Variants in IL9R observed in about 807,000 individuals in gnomAD.
IL9R encodes interleukin-9 receptor.
IL9R carries 54 observed loss-of-function variants against 56.3 expected under a neutral mutation model. The observed-to-expected ratio is 0.96, with a 90% CI of 0.77 to 1.20. The LOEUF is 1.20. IL9R is among the 50% of genes most tolerant of loss of function. The probability of loss-of-function intolerance (pLI) is 0.00; values close to 1 mark genes in which losing one functional copy is unlikely to be tolerated. For missense variants in IL9R, 545 were observed against 629.8 expected (o/e 0.87, Z 1.44); for synonymous variants, 212 against 250.2 (o/e 0.85, Z 1.44).
chrX:156,002,937 A>T lies in IL9R; in HGVS notation c.60A>T (p.Arg20=), dbSNP rs753094605. 3 of 1,613,876 alleles carry T rather than the reference A, an allele frequency of 1.9e-6. No individual in the cohort carries two copies. The highest frequency in any genetic ancestry group is 1.7e-6 in the Non-Finnish European group (2 of 1,179,842). The change falls in exon 2 of 9, where the codon CGA becomes CGT. Residue 20 remains arginine, a synonymous_variant. Coordinates refer to ENST00000244174, the MANE Select transcript of IL9R (RefSeq NM_002186.3). ...GWTLESEALR[R]DMGTWLLACI... ...CCTTGGAGAGTGAGGCCCTGAGGCG[A>T]GACATGGGCACCTGGCTCCTGGCCT...
At chrX:156,006,532 G>T (rs2067972299) in intron 7 of IL9R, among the ~76,000 whole-genome samples, 2 of 151,120 alleles carry the variant, frequency 1.3e-5, no homozygotes, top group Admixed American at 6.6e-5. Flanking sequence ...CCTGCCTCTG[G>T]AGGAGCTTGG....
In IL9R at chrX:156,002,866, G is replaced by T. The variant is rs374330761; in HGVS notation, c.29-40G>T. 5 of 1,612,960 alleles carry T rather than the reference G, an allele frequency of 3.1e-6. No individual in the cohort carries two copies. In the Admixed American group the frequency reaches 8.3e-5, roughly 27 times the overall value. On this transcript the variant is annotated intron_variant, in intron 1 of 8. Transcript: ENST00000244174. The stretch of plus-strand genomic sequence containing the variant: ...TTCATGGGGAGCACCCCTCCAGAGA[G>T]GGATGATTTGCACAGGGCCCTCAGC...
rs190111819 is a variant in IL9R, at chrX:156,003,511, T to A, written c.205T>A (p.Ser69Thr). The A allele has an allele frequency of 8.2e-5, 132 of 1,612,726 alleles. 1 individual carries two copies. Among genetic ancestry groups the A allele is most frequent in the Non-Finnish European group, 1.1e-4 (125 of 1,179,822 alleles). ...CATTCTCAGGATCGATTGCCACTGG[T>A]CTGCCCCAGAGCTGGGACAGGGCTC... is the stretch of plus-strand genomic sequence containing the variant. ...NNILRIDCHW[S>T]APELGQGSSP... Residue 69 changes from serine to threonine, a missense_variant, in exon 3 of 9, where the codon TCT (serine) becomes ACT (threonine). Transcript: ENST00000244174.
intron 5 of IL9R, 115 bp from the exon 6 acceptor site, chrX:156,005,163 A>T: frequency 1.3e-6 from 1 of 789,384 alleles, no homozygotes; most frequent in Non-Finnish European, 2.2e-6. Context: ...TCTGTGTGTT[A>T]ACACAAGTGT....
At chrX:156,002,780 A>T in intron 1 of IL9R, 126 bp from the exon 2 acceptor site, 1 of 1,314,574 alleles carries the variant, frequency 7.6e-7, no homozygotes, top group Non-Finnish European at 1.1e-6. Context: ...TGTGAGTGTT[A>T]GGACACAGGA....
chrX:156,009,248 G>GTGTGTGTGTGTGTGTA (rs1569479052), intron 8 of IL9R, among the ~76,000 whole-genome samples: 150 of 94,792 alleles, frequency 1.6e-3, no homozygotes, highest in Admixed American at 3.5e-3. Flanking sequence ...TGTGGTGTGT[G>GTGTGTGTGTGTGTGTA]TGTCTGTGTG....
intron 1 of IL9R, among the ~76,000 whole-genome samples, chrX:156,000,543 G>A: frequency 6.6e-6 from 1 of 152,334 alleles, no homozygotes; most frequent in East Asian, 1.9e-4. Flanking sequence ...AGGCTCCCCA[G>A]CGGGACTGGG....
chrX:156,005,044 A>G (rs1396215115), intron 5 of IL9R, among the ~76,000 whole-genome samples: 1 of 151,830 alleles, frequency 6.6e-6, no homozygotes, highest in Non-Finnish European at 1.5e-5. Flanking sequence ...GTTCCTGTAG[A>G]CATGTTTGCC....
chrX:156,000,145 A>AAATATATATATAT (rs780163667), intron 1 of IL9R, among the ~76,000 whole-genome samples: 24 of 144,272 alleles, frequency 1.7e-4, no homozygotes, highest in African/African-American at 6.1e-4. Context: ...AAAAAAAAAA[A>AAATATATATATAT]ATATATATAT....
chrX:156,007,058 A>G (rs3093526), intron 7 of IL9R, among the ~76,000 whole-genome samples: 37,236 of 151,622 alleles, frequency 0.25, 5,852 homozygotes, highest in East Asian at 0.67. Context: ...ACAGCCTTGC[A>G]GGGAGGTTGG....
chrX:156,002,483 A>C (rs2067599739), intron 1 of IL9R, among the ~76,000 whole-genome samples: 2 of 152,272 alleles, frequency 1.3e-5, no homozygotes, highest in African/African-American at 4.8e-5. Flanking sequence ...TAAAGTAGAA[A>C]ATGTACCTAT....
chrX:156,002,741 T>C, intron 1 of IL9R, 165 bp from the exon 2 acceptor site: 1 of 961,590 alleles, frequency 1.0e-6, no homozygotes. Context: ...CAGTAAAGCC[T>C]GGACAGTGGT....
chrX:156,003,333 G>T, intron 2 of IL9R, 116 bp from the exon 3 acceptor site: 1 of 770,912 alleles, frequency 1.3e-6, no homozygotes, highest in Admixed American at 2.0e-5. Flanking sequence ...CAGATTCTGG[G>T]ATCATTTACT....
At position 156,007,263 on chromosome X, in the gene IL9R, C is replaced by T. The variant is rs2068037680; in HGVS notation, c.888-260C>T. On this transcript the variant is annotated intron_variant, in intron 7 of 8. Transcript: ENST00000244174. ...TGATCTGAGGACCCAGCTAGTAACT[C>T]CCCGTTCTGAACCCGCCATCGCAGC... 7.7e-5 allele frequency among the ~76,000 whole-genome samples: 11 copies of T among 142,228 alleles called. No homozygotes were observed. The South Asian group carries it at 2.6e-3, about 34-fold the overall frequency. The allele number at this position is 142,228 out of a possible 152,430, so 93.3% of individuals were successfully genotyped here. A position where few individuals can be genotyped will look rare whatever the true frequency, so the allele number is the denominator to read the frequency against.
At chrX:156,006,035 C>A in intron 6 of IL9R, 48 bp from the exon 7 acceptor site, 1 of 1,011,328 alleles carries the variant, frequency 9.9e-7, no homozygotes, top group Non-Finnish European at 1.5e-6. Flanking sequence ...TGGGGGGAGC[C>A]TCCTGGCACT....
chrX:155,999,344 A>G (rs763156074), intron 1 of IL9R, among the ~76,000 whole-genome samples: 2 of 151,828 alleles, frequency 1.3e-5, no homozygotes, highest in South Asian at 4.2e-4. Context: ...ACAGGCATTT[A>G]CCTCACGGAT....
chrX:155,999,690 G>A (rs1373274771), intron 1 of IL9R, among the ~76,000 whole-genome samples: 1 of 152,100 alleles, frequency 6.6e-6, no homozygotes, highest in Non-Finnish European at 1.5e-5. Context: ...TGCTTCTGGG[G>A]TACCAAGGTC....
rs1291784658 is a variant in IL9R, at chrX:156,010,060, C to A, written c.1217C>A (p.Ala406Asp). 11 of 1,555,180 alleles carry A rather than the reference C, an allele frequency of 7.1e-6. No individual in the cohort carries two copies. The highest frequency in any genetic ancestry group is 8.7e-6 in the Non-Finnish European group (10 of 1,155,072). ...ACGGAGTGGAGGGTACAGACGCTTG[C>A]CTATCTGCCACAGGAGGACTGGGCC... is the stretch of plus-strand genomic sequence containing the variant. ...GCTEWRVQTL[A>D]YLPQEDWAPT... The change falls in exon 9 of 9, where the codon GCC becomes GAC. Residue 406 changes from alanine (A) to aspartate (D), a missense_variant. By Grantham distance (126) the Ala-to-Asp change is moderately radical. Transcript: ENST00000244174.
chrX:156,009,248 G>GTGTTTGTGTGTGTA (rs1569479052), intron 8 of IL9R, among the ~76,000 whole-genome samples: 9 of 95,004 alleles, frequency 9.5e-5, no homozygotes, highest in Admixed American at 2.3e-4. Context: ...TGTGGTGTGT[G>GTGTTTGTGTGTGTA]TGTCTGTGTG....
Sources: gnomAD v4.1 joint callset for allele counts (sites outside exome capture counted in the v4.1 genomes callset) on GRCh38, gnomAD v4.1.1 for gene constraint, MANE v1.5 for transcripts, NCBI Gene and HGNC (gene_info 2026-07-23, HGNC 2026-07-21) for gene names.